The following TMEM130 variants were observed in gnomAD, a reference collection of about 807,000 sequenced individuals.
TMEM130 encodes transmembrane protein 130.
TMEM130 carries 37 observed loss-of-function variants against 42.9 expected under a neutral mutation model. The ratio of observed to expected loss-of-function variants is 0.86; its 90% CI spans 0.66 to 1.13. The LOEUF (loss-of-function observed/expected upper bound fraction) is 1.13, where lower values mean the gene tolerates loss of function less well. Among genes scored for constraint, TMEM130 ranks in the 50% most tolerant of loss-of-function variants. The pLI is 0.00. For missense variants in TMEM130, 545 were observed against 562.6 expected (o/e 0.97, Z 0.32); for synonymous variants, 259 against 237.7 (o/e 1.09, Z -0.82).
In TMEM130 at chr7:98,863,222, AC is replaced by A; in HGVS notation, c.263del (p.Gly88ValfsTer70). ...PLVLTGKMEKGLSSTIRVVGH... is the reference protein window; with the variant it reads ...PLVLTGKMEKXLSSTIRVVGH... ...CGACCACACGGATGGTGGAGCTGAG[AC>A]CCTTCTCCATCTTGCCAGTAAGCAC... On this transcript the variant is annotated frameshift_variant, in exon 2 of 8. Coordinates refer to ENST00000339375, the MANE Select transcript of TMEM130 (RefSeq NM_152913.3). LOFTEE classifies it high-confidence loss of function. 1 of 1,614,028 alleles carries A rather than the reference AC, an allele frequency of 6.2e-7. No homozygotes were observed. Among genetic ancestry groups the A allele is most frequent in the Admixed American group, 1.7e-5 (1 of 59,994 alleles).
intron 2 of TMEM130, among the ~76,000 whole-genome samples, chr7:98,861,063 G>A (rs1351793180): frequency 2.6e-5 from 4 of 151,932 alleles, no homozygotes; most frequent in East Asian, 1.9e-4. Flanking sequence ...GACCAGGCAC[G>A]GTGGCTCACA....
chr7:98,855,143 T>C, intron 5 of TMEM130, 97 bp downstream of exon 5: 1 of 1,103,228 alleles, frequency 9.1e-7, no homozygotes, highest in Non-Finnish European at 1.3e-6. Flanking sequence ...GTCCCAGACC[T>C]GAGGCCTGTC....
chr7:98,862,267 A>T (rs576447761), intron 2 of TMEM130, among the ~76,000 whole-genome samples: 16 of 147,720 alleles, frequency 1.1e-4, no homozygotes, highest in African/African-American at 3.4e-4. Flanking sequence ...AGACAGAGAT[A>T]AAGAGACAGA....
At chr7:98,864,992 C>T (rs1254240562) in intron 1 of TMEM130, among the ~76,000 whole-genome samples, 1 of 152,244 alleles carries the variant, frequency 6.6e-6, no homozygotes, top group African/African-American at 2.4e-5. Context: ...GTTGTCACAA[C>T]TCCATGTGGA....
intron 6 of TMEM130, among the ~76,000 whole-genome samples, chr7:98,850,269 A>ATTTTT (rs1244635646): frequency 3.3e-5 from 1 of 30,160 alleles, no homozygotes. Flanking sequence ...ATATATATAT[A>ATTTTT]TATATTTTTT....
chr7:98,849,064 G>A (rs1794430637), intron 6 of TMEM130, among the ~76,000 whole-genome samples: 1 of 152,132 alleles, frequency 6.6e-6, no homozygotes, highest in Admixed American at 6.6e-5. Flanking sequence ...AGACACCACA[G>A]CTCCCTCTTT....
In TMEM130 at chr7:98,848,421, C is replaced by T. The variant is rs80051905; in HGVS notation, c.1119+162G>A. On this transcript the variant is annotated intron_variant, in intron 7 of 7. Coordinates refer to ENST00000339375, the MANE Select transcript of TMEM130 (RefSeq NM_152913.3). ...ATGGGACACCAACTTAGCAATTTTT[C>T]CTGGTCTACAGATGCCTCTTGGGCA... Among the ~76,000 whole-genome samples the T allele has an allele frequency of 1.4e-3, 220 of 152,272 alleles. 5 individuals carry two copies. The East Asian group carries it at 0.042, about 29-fold the overall frequency.
rs137928473 is a variant in TMEM130, at chr7:98,868,725, C to A, written c.85+1052G>T. Among the ~76,000 whole-genome samples, 233 of 152,330 alleles carry A rather than the reference C, an allele frequency of 1.5e-3. 1 individual carries two copies. The highest frequency in any genetic ancestry group is 5.4e-3 in the African/African-American group (224 of 41,572). ...GTGCAATTGGCTAGAATGGGAACCA[C>A]ACATGATTTCCAAATAATTAATTCA... On this transcript the variant is annotated intron_variant, in intron 1 of 7. Transcript: ENST00000339375.
At chr7:98,848,868 C>CA (rs1479111650) in intron 6 of TMEM130, among the ~76,000 whole-genome samples, 173 bp from the exon 7 acceptor site, 6 of 152,196 alleles carry the variant, frequency 3.9e-5, no homozygotes, top group Non-Finnish European at 7.4e-5. Flanking sequence ...CAGGACTTCA[C>CA]AAAAAATAAA....
intron 1 of TMEM130, among the ~76,000 whole-genome samples, chr7:98,867,558 C>T (rs1194560448): frequency 6.6e-6 from 1 of 152,194 alleles, no homozygotes; most frequent in Non-Finnish European, 1.5e-5. Context: ...AATGGCCAAA[C>T]AGCATCTGCA....
intron 4 of TMEM130, among the ~76,000 whole-genome samples, chr7:98,855,685 A>C (rs1173116381): frequency 6.6e-6 from 1 of 151,700 alleles, no homozygotes; most frequent in Non-Finnish European, 1.5e-5. Flanking sequence ...AGACCCTCCC[A>C]CCCCAGGGTG....
chr7:98,854,967 C>G (rs1489288599), intron 5 of TMEM130, among the ~76,000 whole-genome samples: 1 of 152,136 alleles, frequency 6.6e-6, no homozygotes, highest in African/African-American at 2.4e-5. Flanking sequence ...ACCAGGGAGG[C>G]AGAGGTCGCA....
intron 5 of TMEM130, among the ~76,000 whole-genome samples, chr7:98,854,131 A>G (rs1346380182): frequency 6.8e-6 from 1 of 147,218 alleles, no homozygotes; most frequent in Non-Finnish European, 1.5e-5. Context: ...TCCATCTCCC[A>G]GGTTCAAGCA....
intron 5 of TMEM130, among the ~76,000 whole-genome samples, chr7:98,854,467 G>T (rs1255357750): frequency 1.3e-5 from 2 of 152,182 alleles, no homozygotes; most frequent in African/African-American, 4.8e-5. Context: ...GGCTAGGTGT[G>T]GTGGCTCATG....
chr7:98,850,420 G>A (rs1794473456), intron 6 of TMEM130, among the ~76,000 whole-genome samples: 1 of 150,910 alleles, frequency 6.6e-6, no homozygotes, highest in Non-Finnish European at 1.5e-5. Context: ...TGGGATTACA[G>A]ACTCCCACCA....
intron 4 of TMEM130, 147 bp from the exon 5 acceptor site, chr7:98,855,471 G>A: frequency 1.6e-6 from 1 of 637,958 alleles, no homozygotes; most frequent in East Asian, 3.1e-5. Flanking sequence ...GGTTCCTCTG[G>A]GTCCTGCCCT....
rs1794731508 is a variant in TMEM130, at chr7:98,860,172, G to T, written c.551+7C>A. 1 of 1,610,190 alleles carries T rather than the reference G, an allele frequency of 6.2e-7. No individual in the cohort carries two copies. Among genetic ancestry groups the T allele is most frequent in the South Asian group, 1.1e-5 (1 of 90,212 alleles). Reference sequence around the variant, plus strand: ...GCTGTAGGGCCTGCAGAGGGGTAAGGACCTACCCGTCCCCGAAGTCCCAGC... The same window carrying T: ...GCTGTAGGGCCTGCAGAGGGGTAAGTACCTACCCGTCCCCGAAGTCCCAGC... On this transcript the variant is annotated splice_region_variant and intron_variant, in intron 3 of 7. Coordinates refer to ENST00000339375, the MANE Select transcript of TMEM130 (RefSeq NM_152913.3).
Position 98,847,504 on chromosome 7 carries a change from C to CTGTGTGTG in TMEM130, c.*544_*551dup, listed in dbSNP as rs148531068. Reference sequence around the variant, plus strand: ...CCATGTGACGCATGTGTTTATATTTCTGTGTGTGTGTGTGTGTGTGTGTGT... The same window carrying CTGTGTGTG: ...CCATGTGACGCATGTGTTTATATTTCTGTGTGTGTGTGTGTGTGTGTGTGTGTGTGTGT... On this transcript the variant is annotated 3_prime_UTR_variant, in exon 8 of 8. Transcript: ENST00000339375. 2 of 150,798 alleles carry CTGTGTGTG rather than the reference C, an allele frequency of 1.3e-5. No homozygotes were observed. The highest frequency in any genetic ancestry group is 4.9e-5 in the African/African-American group (2 of 40,996). The allele number at this position is 150,798 out of a possible 1,614,324, so 9.3% of individuals were successfully genotyped here.
chr7:98,847,859 A>G lies in TMEM130; in HGVS notation c.*197T>C. 1 of 578,976 alleles carries G rather than the reference A, an allele frequency of 1.7e-6. No homozygotes were observed. The highest frequency in any genetic ancestry group is 3.1e-6 in the Non-Finnish European group (1 of 326,620). The allele number at this position is 578,976 out of a possible 1,614,324, so 35.9% of individuals were successfully genotyped here. A position where few individuals can be genotyped will look rare whatever the true frequency, so the allele number is the denominator to read the frequency against. On this transcript the variant is annotated 3_prime_UTR_variant, in exon 8 of 8. Coordinates refer to ENST00000339375, the MANE Select transcript of TMEM130 (RefSeq NM_152913.3). ...TTATGTCAGTGGCTGGACTGTACAG[A>G]TGGGTGAATGGCTGGGGTCAGGGGT... is the stretch of plus-strand genomic sequence containing the variant.
Sources: gnomAD v4.1 joint callset for allele counts (sites outside exome capture counted in the v4.1 genomes callset) on GRCh38, gnomAD v4.1.1 for gene constraint, MANE v1.5 for transcripts, NCBI Gene and HGNC (gene_info 2026-07-23, HGNC 2026-07-21) for gene names.